PDXDC1: variants seen among roughly 807,000 people sequenced by gnomAD.
PDXDC1 encodes pyridoxal dependent decarboxylase domain containing 1.
PDXDC1 carries 42 observed loss-of-function variants against 100.1 expected under a neutral mutation model. That is an observed-to-expected ratio of 0.42 (90% CI 0.33 to 0.54). The LOEUF is 0.54. Ranked by LOEUF, PDXDC1 falls within the 20% of genes least tolerant of loss-of-function variation. PDXDC1 has a pLI of 0.10. For synonymous variants in PDXDC1, 260 were observed against 371.7 expected, an observed-to-expected ratio of 0.70 and a Z score of 3.46; for missense variants, 636 against 979.2, an observed-to-expected ratio of 0.65 and a Z score of 4.68.
chr16:14,986,606 A>G (rs892465696), intron 1 of PDXDC1, among the ~76,000 whole-genome samples: 6 of 152,310 alleles, frequency 3.9e-5, no homozygotes, highest in Admixed American at 3.3e-4. Flanking sequence ...CATTTATACA[A>G]CAGAATTAAC....
At chr16:15,082,058 G>T (rs1241877942) in intron 16 of PDXDC1, among the ~76,000 whole-genome samples, 1 of 152,318 alleles carries the variant, frequency 6.6e-6, no homozygotes, top group African/African-American at 2.4e-5. Flanking sequence ...CCTTGCAAAA[G>T]AGAGTTTACG....
the PDXDC1 span, among the ~76,000 whole-genome samples, chr16:15,147,184 C>T: frequency 6.6e-6 from 1 of 151,394 alleles, no homozygotes; most frequent in African/African-American, 2.4e-5. Flanking sequence ...GAGGGGCTGG[C>T]AGCACCCAAG....
the PDXDC1 span, among the ~76,000 whole-genome samples, chr16:15,144,399 T>C: frequency 1.3e-5 from 2 of 151,766 alleles, no homozygotes; most frequent in Non-Finnish European, 2.9e-5. Flanking sequence ...AAAAAAACAG[T>C]GCAGCCCCGG....
chr16:15,083,353 G>T (rs1052111628), intron 16 of PDXDC1, among the ~76,000 whole-genome samples: 3 of 151,998 alleles, frequency 2.0e-5, no homozygotes, highest in African/African-American at 7.3e-5. Context: ...GAGCCAAGAT[G>T]ACGCCATTGC....
intron 8 of PDXDC1, among the ~76,000 whole-genome samples, chr16:15,015,305 A>G (rs974421737): frequency 6.6e-6 from 1 of 152,292 alleles, no homozygotes; most frequent in South Asian, 2.1e-4. Context: ...ACAATAAAAT[A>G]AAAAGGTGGA....
chr16:14,987,847 G>A (rs1353985636), intron 1 of PDXDC1, among the ~76,000 whole-genome samples: 2 of 152,254 alleles, frequency 1.3e-5, no homozygotes, highest in Non-Finnish European at 2.9e-5. Context: ...CCTGGCCTCA[G>A]GTGATCCACC....
intron 16 of PDXDC1, among the ~76,000 whole-genome samples, chr16:15,101,285 G>C (rs1184762486): frequency 5.3e-5 from 8 of 152,302 alleles, no homozygotes; most frequent in African/African-American, 1.9e-4. Flanking sequence ...TGACCTATGA[G>C]GGAGATAGAC....
chr16:15,042,568 C>T (rs1293399697), downstream of PDXDC1, among the ~76,000 whole-genome samples: 3 of 152,034 alleles, frequency 2.0e-5, no homozygotes, highest in South Asian at 4.1e-4. Context: ...TATTTTTTAG[C>T]GACTACATAA....
intron 16 of PDXDC1, among the ~76,000 whole-genome samples, chr16:15,090,513 C>G (rs1334506134): frequency 1.3e-5 from 2 of 152,192 alleles, no homozygotes; most frequent in Non-Finnish European, 2.9e-5. Context: ...GAGAAAGGAT[C>G]ATTTGAGGCC....
At chr16:15,071,102 G>A (rs758397493) in intron 16 of PDXDC1, 56 of 1,587,428 alleles carry the variant, frequency 3.5e-5, no homozygotes, top group Middle Eastern at 2.3e-4. Context: ...AAAAGTATTC[G>A]GAAAATTAGG....
chr16:15,143,223 C>T (rs1411467044), downstream of PDXDC1, among the ~76,000 whole-genome samples: 1 of 152,126 alleles, frequency 6.6e-6, no homozygotes, highest in Non-Finnish European at 1.5e-5. Context: ...GCTGCTGGGG[C>T]ACCACTGGGT....
intron 16 of PDXDC1, chr16:15,086,123 A>C: frequency 6.2e-7 from 1 of 1,606,094 alleles, no homozygotes; most frequent in South Asian, 1.1e-5. Flanking sequence ...CCAAGCAATG[A>C]CTTACGAGGC....
chr16:15,061,243 A>G (rs538370404), intron 16 of PDXDC1: 2 of 152,724 alleles, frequency 1.3e-5, no homozygotes, highest in South Asian at 2.1e-4. Context: ...ACAAATACCA[A>G]TACAGCAGAA....
At chr16:15,086,640 G>C (rs1205337732) in intron 16 of PDXDC1, among the ~76,000 whole-genome samples, 1 of 152,168 alleles carries the variant, frequency 6.6e-6, no homozygotes, top group Non-Finnish European at 1.5e-5. Context: ...ACTGTTTTAA[G>C]AAAGTAATCT....
intron 16 of PDXDC1, among the ~76,000 whole-genome samples, chr16:15,091,555 G>A (rs2046130550): frequency 6.6e-6 from 1 of 151,430 alleles, no homozygotes; most frequent in Admixed American, 6.6e-5. Flanking sequence ...TGCAGCCAGA[G>A]GGCTTGGAAA....
intron 1 of PDXDC1, among the ~76,000 whole-genome samples, chr16:14,982,569 A>G (rs1968241249): frequency 6.6e-6 from 1 of 152,282 alleles, no homozygotes; most frequent in Non-Finnish European, 1.5e-5. Context: ...AAAAAAGAAG[A>G]TGGGAGGAGA....
chr16:15,097,932 A>T, intron 16 of PDXDC1, among the ~76,000 whole-genome samples: 3 of 127,766 alleles, frequency 2.3e-5, no homozygotes, highest in African/African-American at 8.4e-5. Context: ...TGTTTTCAAC[A>T]TTATGCTTTT....
intron 16 of PDXDC1, chr16:15,133,730 G>T (rs954449200): frequency 2.5e-5 from 40 of 1,603,636 alleles, no homozygotes; most frequent in Admixed American, 6.7e-5. Context: ...ATGGCATCAC[G>T]GGAGGGCTCC....
chr16:15,053,463 G>A (rs1439783065), intron 16 of PDXDC1, among the ~76,000 whole-genome samples: 6 of 145,162 alleles, frequency 4.1e-5, no homozygotes, highest in Admixed American at 1.5e-4. Flanking sequence ...ACAACATATA[G>A]TAAGCTATCA....
Sources: gnomAD v4.1 joint callset for allele counts (sites outside exome capture counted in the v4.1 genomes callset) on GRCh38, gnomAD v4.1.1 for gene constraint, MANE v1.5 for transcripts, NCBI Gene and HGNC (gene_info 2026-07-23, HGNC 2026-07-21) for gene names.